PCDH11X: variants seen among roughly 807,000 people sequenced by gnomAD.
The protein encoded by PCDH11X is protocadherin-11 X-linked.
PCDH11X carries 18 observed loss-of-function variants against 53.3 expected under a neutral mutation model. The ratio of observed to expected loss-of-function variants is 0.34; its 90% confidence interval spans 0.23 to 0.50. The LOEUF (loss-of-function observed/expected upper bound fraction) is 0.50, where lower values mean the gene tolerates loss of function less well. Among genes scored for constraint, PCDH11X ranks in the 20% least tolerant of loss-of-function variants. The pLI is 0.98. For missense variants in PCDH11X, 570 were observed against 1,032.4 expected, an observed-to-expected ratio of 0.55 and a Z score of 6.14; for synonymous variants, 279 against 393.3, an observed-to-expected ratio of 0.71 and a Z score of 3.44.
chrX:92,414,565 A>G (rs1473202651), intron 9 of PCDH11X, among the ~76,000 whole-genome samples: 1 of 103,315 alleles, frequency 9.7e-6, no homozygotes, highest in Non-Finnish European at 2.0e-5. Flanking sequence ...TGATGGAACC[A>G]GTGGTACATG....
At chrX:92,613,545 T>TTG (rs201132708) in intron 10 of PCDH11X, among the ~76,000 whole-genome samples, 2,322 of 65,454 alleles carry the variant, frequency 0.035, 27 homozygotes, top group East Asian at 0.054. Context: ...GTTGTTGTTG[T>TTG]TGTGTGTGTG....
intron 10 of PCDH11X, among the ~76,000 whole-genome samples, chrX:92,509,570 G>C (rs923985775): frequency 7.2e-5 from 8 of 111,577 alleles, no homozygotes; most frequent in African/African-American, 2.6e-4. Flanking sequence ...GTTTCTTATT[G>C]ATAACACCTT....
At chrX:92,049,450 T>TA (rs1275164500) in intron 6 of PCDH11X, among the ~76,000 whole-genome samples, 385 of 105,159 alleles carry the variant, frequency 3.7e-3, no homozygotes, top group Non-Finnish European at 5.7e-3. Context: ...TTGGGCAAGA[T>TA]AAAAAAAAAA....
chrX:92,333,526 T>G (rs2069542474), intron 8 of PCDH11X, among the ~76,000 whole-genome samples: 2 of 111,714 alleles, frequency 1.8e-5, no homozygotes, highest in African/African-American at 6.5e-5. Context: ...AATTTCCTGC[T>G]ATAAGCCCAT....
chrX:92,305,943 G>GT (rs1220959305), intron 8 of PCDH11X, among the ~76,000 whole-genome samples: 3 of 106,540 alleles, frequency 2.8e-5, no homozygotes, highest in East Asian at 6.0e-4. Flanking sequence ...CAGGTTTTGT[G>GT]TTTTTTTAAA....
chrX:92,542,287 C>T (rs1025188224), intron 10 of PCDH11X, among the ~76,000 whole-genome samples: 60 of 111,119 alleles, frequency 5.4e-4, no homozygotes, highest in Non-Finnish European at 1.0e-3. Context: ...ATCACTTTTG[C>T]GTCAATATTA....
intron 8 of PCDH11X, among the ~76,000 whole-genome samples, chrX:92,276,709 C>T (rs767307369): frequency 4.4e-4 from 49 of 111,507 alleles, no homozygotes; most frequent in African/African-American, 1.4e-3. Context: ...TGGGGTTTGA[C>T]GGCCAGATTC....
At position 91,947,151 on chromosome X, in the gene PCDH11X, A is replaced by C. The variant is rs753368716; in HGVS notation, c.3033+67878A>C. ...GACTAGATACAAAATTTTTATAAAAATTTTGACATGTGTGCATTTGAGTGT... is the reference window on the plus strand; with the variant it reads ...GACTAGATACAAAATTTTTATAAAACTTTTGACATGTGTGCATTTGAGTGT... On this transcript the variant is annotated intron_variant, in intron 6 of 10. Coordinates refer to ENST00000682573, the MANE Select transcript of PCDH11X (RefSeq NM_032968.5). Among the ~76,000 whole-genome samples the C allele has an allele frequency of 2.8e-5, 3 of 108,686 alleles. No individual in the cohort carries two copies. In the East Asian group the frequency reaches 8.8e-4, roughly 32 times the overall value. The allele number at this position is 108,686 out of a possible 115,157, so 94.4% of individuals were successfully genotyped here. A position where few individuals can be genotyped will look rare whatever the true frequency, so the allele number is the denominator to read the frequency against.
intron 6 of PCDH11X, among the ~76,000 whole-genome samples, chrX:92,074,503 C>T (rs1251152306): frequency 8.9e-6 from 1 of 111,895 alleles, no homozygotes; most frequent in Non-Finnish European, 1.9e-5. Context: ...TATAAATATA[C>T]TAGTGCATCT....
At chrX:92,484,984 G>A (rs2073611899) in intron 10 of PCDH11X, among the ~76,000 whole-genome samples, 1 of 110,028 alleles carries the variant, frequency 9.1e-6, no homozygotes, top group Non-Finnish European at 1.9e-5. Flanking sequence ...ATAAATTTTT[G>A]AAATTGTTTC....
chrX:91,857,515 C>A (rs1169306125), intron 5 of PCDH11X, among the ~76,000 whole-genome samples: 1 of 111,585 alleles, frequency 9.0e-6, no homozygotes, highest in Non-Finnish European at 1.9e-5. Flanking sequence ...TAAGGCAAGC[C>A]CCTTCCACCT....
At chrX:92,589,494 T>C (rs1161741916) in intron 10 of PCDH11X, among the ~76,000 whole-genome samples, 4 of 111,942 alleles carry the variant, frequency 3.6e-5, no homozygotes, top group African/African-American at 1.3e-4. Flanking sequence ...CTTGTTTGTT[T>C]ATGCAAGTAC....
intron 6 of PCDH11X, among the ~76,000 whole-genome samples, chrX:91,960,629 G>T (rs185438073): frequency 0.056 from 6,204 of 110,639 alleles, 139 homozygotes; most frequent in Middle Eastern, 0.07. Flanking sequence ...TCACCATGTT[G>T]GCCAGGCTGG....
intron 6 of PCDH11X, among the ~76,000 whole-genome samples, chrX:91,907,333 T>C (rs1320747299): frequency 4.4e-5 from 3 of 68,384 alleles, no homozygotes; most frequent in Non-Finnish European, 8.1e-5. Flanking sequence ...AGAGCAACCA[T>C]TGGCACACAT....
chrX:91,828,791 G>T (rs916455761), intron 4 of PCDH11X, among the ~76,000 whole-genome samples: 13 of 111,486 alleles, frequency 1.2e-4, no homozygotes, highest in Non-Finnish European at 2.4e-4. Context: ...GTCTCACGGG[G>T]TGAATGAATG....
At chrX:92,133,883 G>C (rs187814928) in intron 6 of PCDH11X, among the ~76,000 whole-genome samples, 41 of 111,652 alleles carry the variant, frequency 3.7e-4, no homozygotes, top group African/African-American at 1.3e-3. Flanking sequence ...AGCCTCAGGA[G>C]GTCCTATGCC....
At chrX:92,320,469 AAATC>A (rs1329888481) in intron 8 of PCDH11X, among the ~76,000 whole-genome samples, 3 of 110,670 alleles carry the variant, frequency 2.7e-5, no homozygotes, top group Non-Finnish European at 5.7e-5. Flanking sequence ...TTTTTCAACT[AAATC>A]AATAATATGA....
chrX:92,484,130 TA>T lies in PCDH11X; in HGVS notation c.3367+15809del, dbSNP rs1405464477. ...TGTGTATATATATAGTATATATATG[TA>T]TATATGTATGTATATATATGTATAT... On this transcript the variant is annotated intron_variant, in intron 10 of 10. Transcript: ENST00000682573. Among the ~76,000 whole-genome samples the T allele has an allele frequency of 6.0e-3, 279 of 46,459 alleles. 1 individual carries two copies. Among genetic ancestry groups the T allele is most frequent in the South Asian group, 1.0e-2 (9 of 901 alleles). The allele number at this position is 46,459 out of a possible 115,157, so 40.3% of individuals were successfully genotyped here. A position where few individuals can be genotyped will look rare whatever the true frequency, so the allele number is the denominator to read the frequency against.
intron 9 of PCDH11X, among the ~76,000 whole-genome samples, chrX:92,419,829 G>A (rs1341231033): frequency 2.8e-5 from 3 of 107,131 alleles, no homozygotes; most frequent in Admixed American, 1.0e-4. Flanking sequence ...ACAGGCGCGC[G>A]CCACCATACC....
Sources: gnomAD v4.1 joint callset for allele counts (sites outside exome capture counted in the v4.1 genomes callset) on GRCh38, gnomAD v4.1.1 for gene constraint, MANE v1.5 for transcripts, NCBI Gene and HGNC (gene_info 2026-07-23, HGNC 2026-07-21) for gene names.